Variants in DMD observed in about 807,000 individuals in gnomAD.
DMD encodes the protein dystrophin.
Under a neutral mutation model 330.1 loss-of-function variants are expected in DMD, and 63 were observed. That is an observed-to-expected ratio of 0.19 (90% CI 0.16 to 0.24). The LOEUF is 0.24. Among genes scored for constraint, DMD ranks in the 10% least tolerant of loss-of-function variants. DMD has a pLI of 1.00. For missense variants in DMD, 3,344 were observed against 2,684.1 expected (o/e 1.25, Z -5.43); for synonymous variants, 1,223 against 959.8 (o/e 1.27, Z -5.07).
intron 29 of DMD, among the ~76,000 whole-genome samples, chrX:32,435,023 A>C (rs375478300): frequency 1.9e-5 from 2 of 108,041 alleles, no homozygotes; most frequent in Non-Finnish European, 3.8e-5. Context: ...TTTTAGATTT[A>C]TTGTTATTTT....
At chrX:31,870,358 G>C (rs2093870451) in intron 48 of DMD, among the ~76,000 whole-genome samples, 1 of 111,631 alleles carries the variant, frequency 9.0e-6, no homozygotes, top group South Asian at 3.7e-4. Context: ...CTTTGATATA[G>C]AATCATCAAA....
In DMD at chrX:33,048,786, T is replaced by G. The variant is rs149143357; in HGVS notation, c.32-28586A>C. 6.6e-5 allele frequency among the ~76,000 whole-genome samples: 7 copies of G among 106,548 alleles called. No homozygotes were observed. In the East Asian group the frequency reaches 2.1e-3, roughly 32 times the overall value. 92.5% of individuals were successfully genotyped at this position (106,548 alleles called of 115,157 possible). A position where few individuals can be genotyped will look rare whatever the true frequency, so the allele number is the denominator to read the frequency against. The stretch of plus-strand genomic sequence containing the variant: ...GGTAAACAACTGCAGGGAAAGTAAT[T>G]ACCACACTCTTCATATGGCAAACTA... On this transcript the variant is annotated intron_variant, in intron 1 of 78. Coordinates refer to ENST00000357033, the MANE Select transcript of DMD (RefSeq NM_004006.3).
chrX:32,345,263 A>T (rs981007599), intron 39 of DMD, among the ~76,000 whole-genome samples: 1 of 111,507 alleles, frequency 9.0e-6, no homozygotes, highest in Admixed American at 9.6e-5. Context: ...TAGTCTCAAG[A>T]ACTTCCTAGA....
At chrX:33,058,116 G>A (rs1486709677) in intron 1 of DMD, among the ~76,000 whole-genome samples, 1 of 111,780 alleles carries the variant, frequency 8.9e-6, no homozygotes, top group Non-Finnish European at 1.9e-5. Flanking sequence ...CTGATCTCAA[G>A]TGATCCGCCC....
chrX:33,010,088 A>G (rs866217697), intron 2 of DMD, among the ~76,000 whole-genome samples: 3 of 94,857 alleles, frequency 3.2e-5, no homozygotes, highest in Non-Finnish European at 4.2e-5. Flanking sequence ...GCACATGTGT[A>G]TATATACATG....
At chrX:32,577,392 C>T (rs2053176769) in intron 13 of DMD, among the ~76,000 whole-genome samples, 1 of 112,260 alleles carries the variant, frequency 8.9e-6, no homozygotes, top group Non-Finnish European at 1.9e-5. Context: ...AGGAGTAATA[C>T]AAAAGACAAT....
chrX:31,178,115 TAAAAGAAAAACAC>T (rs1479728537), intron 70 of DMD, 145 bp from the exon 71 acceptor site: 2 of 1,109,244 alleles, frequency 1.8e-6, no homozygotes, highest in Non-Finnish European at 1.2e-6. Flanking sequence ...TAAAGTGAAT[TAAAAGAAAAACAC>T]ACAGTTGTGT....
chrX:31,182,615 C>T (rs996574148), intron 68 of DMD, 123 bp downstream of exon 68: 2 of 674,581 alleles, frequency 3.0e-6, no homozygotes, highest in African/African-American at 4.2e-5. Flanking sequence ...GCCCAATCAC[C>T]TTCTCTCCCA....
In DMD at chrX:32,095,893, A is replaced by G. The variant is rs1215506962; in HGVS notation, c.6438+121023T>C. 3.4e-5 allele frequency among the ~76,000 whole-genome samples: 3 copies of G among 89,138 alleles called. No individual in the cohort carries two copies. In the East Asian group the frequency reaches 1.1e-3, roughly 34 times the overall value. The allele number at this position is 89,138 out of a possible 115,157, so 77.4% of individuals were successfully genotyped here. On this transcript the variant is annotated intron_variant, in intron 44 of 78. Transcript: ENST00000357033. The stretch of plus-strand genomic sequence containing the variant: ...CAAGCCATTCAGATCTCTTTCTACT[A>G]CAGTTGATTATAAGTTTTTTTTTTT...
chrX:32,735,435 C>A (rs779985622), intron 7 of DMD, among the ~76,000 whole-genome samples: 1 of 110,731 alleles, frequency 9.0e-6, no homozygotes, highest in South Asian at 3.8e-4. Flanking sequence ...GATATGGAAC[C>A]AAAAAAGAGC....
chrX:32,750,417 C>G (rs2070658794), intron 7 of DMD, among the ~76,000 whole-genome samples: 1 of 111,652 alleles, frequency 9.0e-6, no homozygotes, highest in African/African-American at 3.3e-5. Flanking sequence ...AGAAGTAAAT[C>G]AAGAAATGTG....
In DMD at chrX:32,635,057, T is replaced by A. The variant is rs1408497772; in HGVS notation, c.1331+9075A>T. Among the ~76,000 whole-genome samples the A allele has an allele frequency of 4.5e-5, 5 of 112,108 alleles. No individual in the cohort carries two copies. In the East Asian group the frequency reaches 1.4e-3, roughly 32 times the overall value. On this transcript the variant is annotated intron_variant, in intron 11 of 78. Transcript: ENST00000357033. ...ATGATTCTTCCCTGTCTAGGGTTCA[T>A]CTAAATGCTCCCTCTGCGGGATTTG...
chrX:31,675,331 G>A (rs753240951), intron 53 of DMD, among the ~76,000 whole-genome samples: 1 of 111,616 alleles, frequency 9.0e-6, no homozygotes, highest in Non-Finnish European at 1.9e-5. Context: ...TTTCTGTTCT[G>A]TGAATAGGTT....
intron 63 of DMD, among the ~76,000 whole-genome samples, chrX:31,224,872 AAAG>A (rs767210916): frequency 8.0e-5 from 9 of 112,185 alleles, no homozygotes; most frequent in African/African-American, 2.6e-4. Flanking sequence ...AAGCTGGGTA[AAAG>A]AAGCCAGGCA....
At chrX:32,164,467 T>A (rs1395470983) in intron 44 of DMD, among the ~76,000 whole-genome samples, 1 of 111,522 alleles carries the variant, frequency 9.0e-6, no homozygotes, top group Non-Finnish European at 1.9e-5. Flanking sequence ...CTGGCATCAT[T>A]TTGACCCTGA....
At chrX:32,282,038 T>G (rs991708230) in intron 43 of DMD, among the ~76,000 whole-genome samples, 2 of 112,170 alleles carry the variant, frequency 1.8e-5, no homozygotes, top group African/African-American at 6.5e-5. Flanking sequence ...ACCTTGTTGT[T>G]ACACAATAAT....
At chrX:31,386,850 T>C in intron 60 of DMD, among the ~76,000 whole-genome samples, 1 of 112,095 alleles carries the variant, frequency 8.9e-6, no homozygotes, top group East Asian at 2.8e-4. Flanking sequence ...GGCTTCATTC[T>C]AGACACATAT....
intron 1 of DMD, among the ~76,000 whole-genome samples, chrX:33,329,053 A>AT (rs2054131271): frequency 8.9e-6 from 1 of 112,190 alleles, no homozygotes; most frequent in East Asian, 2.8e-4. Flanking sequence ...TCAGTAAAAC[A>AT]TTTTAAAAAT....
intron 1 of DMD, among the ~76,000 whole-genome samples, chrX:33,029,319 A>G (rs1220337528): frequency 8.9e-6 from 1 of 112,318 alleles, no homozygotes; most frequent in Non-Finnish European, 1.9e-5. Context: ...AAGAGAAAGA[A>G]TATTTCTTGC....
Sources: gnomAD v4.1 joint callset for allele counts (sites outside exome capture counted in the v4.1 genomes callset) on GRCh38, gnomAD v4.1.1 for gene constraint, MANE v1.5 for transcripts, NCBI Gene and HGNC (gene_info 2026-07-23, HGNC 2026-07-21) for gene names.